The following RABL6 variants were observed in gnomAD, a reference collection of about 807,000 sequenced individuals.
RABL6 encodes the protein rab-like protein 6.
Under a neutral mutation model 72.9 loss-of-function variants are expected in RABL6, and 28 were observed. That is an observed-to-expected ratio of 0.38 (90% confidence interval 0.28 to 0.53). The LOEUF is 0.53. Among genes scored for constraint, RABL6 ranks in the 20% least tolerant of loss-of-function variants. The pLI, the probability that RABL6 is intolerant of heterozygous loss-of-function variation, is 0.80. For missense variants in RABL6, 1,029 were observed against 1,008.4 expected (o/e 1.02, Z -0.28); for synonymous variants, 477 against 421.2 (o/e 1.13, Z -1.62).
intron 1 of RABL6, among the ~76,000 whole-genome samples, chr9:136,815,974 G>A (rs1031678487): frequency 6.6e-6 from 1 of 152,102 alleles, no homozygotes; most frequent in South Asian, 2.1e-4. Flanking sequence ...GCTTCTTAGC[G>A]TTTCTTGGAT....
In RABL6 at chr9:136,837,447, C is replaced by A. The variant is rs370048463; in HGVS notation, c.911C>A (p.Ala304Glu). ...GGCTCCCAGTCACCAGTGGTGCCTG[C>A]AGGCGCTGTGTCCACGGGGAGCTCC... ...SPGSQSPVVP[A>E]GAVSTGSSSP... Residue 304 changes from alanine to glutamate, a missense_variant, in exon 9 of 15, where the codon GCA (alanine) becomes GAA (glutamate). By Grantham distance (107) the Ala-to-Glu change is moderately radical. Transcript: ENST00000311502. The A allele has an allele frequency of 6.4e-7, 1 of 1,569,590 alleles. No individual in the cohort carries two copies. Among genetic ancestry groups the A allele is most frequent in the Non-Finnish European group, 8.6e-7 (1 of 1,159,930 alleles).
At chr9:136,824,181 G>A (rs373723805) in intron 2 of RABL6, among the ~76,000 whole-genome samples, 51 of 152,252 alleles carry the variant, frequency 3.3e-4, no homozygotes, top group Admixed American at 1.1e-3. Context: ...GGGTAGATGC[G>A]GGAAGGTGGG....
rs1402771726 is a variant in RABL6, at chr9:136,808,182, C to T, written c.-15C>T. ...CTCGCCGGCCGCGCCCGGGCTGGGACGTCCGAGCGGGAAGATGTTTTCCGC... is the reference window on the plus strand; with the variant it reads ...CTCGCCGGCCGCGCCCGGGCTGGGATGTCCGAGCGGGAAGATGTTTTCCGC... On this transcript the variant is annotated 5_prime_UTR_variant, in exon 1 of 15. The change creates a new upstream start codon in the 5' untranslated region. Transcript: ENST00000311502. The T allele has an allele frequency of 2.7e-6, 4 of 1,508,740 alleles. No individual in the cohort carries two copies. The highest frequency in any genetic ancestry group is 2.5e-5 in the South Asian group (2 of 80,916). The allele number at this position is 1,508,740 out of a possible 1,614,324, so 93.5% of individuals were successfully genotyped here.
At chr9:136,821,331 T>C (rs1848231722) in intron 1 of RABL6, 1 of 985,224 alleles carries the variant, frequency 1.0e-6, no homozygotes. Context: ...AACGCCCCAC[T>C]CCCGGGAAAG....
At position 136,808,344 on chromosome 9, in the gene RABL6, G is replaced by A. The variant is rs758761241; in HGVS notation, c.130+18G>A. The stretch of plus-strand genomic sequence containing the variant: ...GTACAACAGTGAGTGCGGCGGGCCG[G>A]GGGGGCGCGGGAGCGCCGCGCGGGT... On this transcript the variant is annotated intron_variant, in intron 1 of 14. Transcript: ENST00000311502. The A allele has an allele frequency of 6.7e-7, 1 of 1,500,108 alleles. No individual in the cohort carries two copies. Among genetic ancestry groups the A allele is most frequent in the African/African-American group, 1.5e-5 (1 of 68,814 alleles). The allele number at this position is 1,500,108 out of a possible 1,614,324, so 92.9% of individuals were successfully genotyped here. A position where few individuals can be genotyped will look rare whatever the true frequency, so the allele number is the denominator to read the frequency against.
chr9:136,825,778 G>A lies in RABL6; in HGVS notation c.266-1G>A. 1.9e-6 allele frequency: 3 copies of A among 1,613,602 alleles called. No individual in the cohort carries two copies. The highest frequency in any genetic ancestry group is 2.5e-6 in the Non-Finnish European group (3 of 1,179,542). Reference sequence around the variant, plus strand: ...TAATTTTAGGATTCTCCCTGTTTCAGCCACGGATGACATCGTGAAGGTTGA... The same window carrying A: ...TAATTTTAGGATTCTCCCTGTTTCAACCACGGATGACATCGTGAAGGTTGA... On this transcript the variant is annotated splice_acceptor_variant, in intron 2 of 14. Transcript: ENST00000311502. LOFTEE classifies it high-confidence loss of function.
chr9:136,816,342 C>T (rs1196632890), intron 1 of RABL6, among the ~76,000 whole-genome samples: 3 of 151,966 alleles, frequency 2.0e-5, no homozygotes, highest in East Asian at 3.9e-4. Context: ...TGGGCCCAAG[C>T]GATCCATCTG....
At position 136,823,611 on chromosome 9, in the gene RABL6, A is replaced by C; in HGVS notation, c.217A>C (p.Ile73Leu). ...GGGCCGGCCGTTCGTGGAGGAGTAC[A>C]TCCCCACACAGGAGATCCAGGTCAC... ...LQGRPFVEEY[I>L]PTQEIQVTSI... The change falls in exon 2 of 15, where the codon ATC becomes CTC. Residue 73 changes from isoleucine to leucine, a missense_variant. Physicochemically the swap from Ile to Leu is conservative, Grantham distance 5. Transcript: ENST00000311502. 6.2e-7 allele frequency: 1 copy of C among 1,613,694 alleles called. No individual in the cohort carries two copies. The highest frequency in any genetic ancestry group is 8.5e-7 in the Non-Finnish European group (1 of 1,179,766).
chr9:136,833,446 G>C (rs537581942), intron 7 of RABL6: 1 of 460,956 alleles, frequency 2.2e-6, no homozygotes. Flanking sequence ...GCCCCAGCTG[G>C]GTCTGGGGGA....
rs1393985331 is a variant in RABL6, at chr9:136,831,794, C to T, written c.532C>T (p.Arg178Trp). ...HVPVCVLGNYRDMGEHRVILP... is the reference protein window; with the variant it reads ...HVPVCVLGNYWDMGEHRVILP... ...GCCAGTGTGCGTGCTGGGAAACTAC[C>T]GGGACATGGGCGAGCACCGAGTCAT... Residue 178 changes from arginine (R) to tryptophan (W), a missense_variant, in exon 6 of 15, where the codon CGG (arginine) becomes TGG (tryptophan). Arg to Trp is a moderately radical substitution (Grantham distance 101, BLOSUM62 -3). Around this residue, in one of 2 missense-constraint regions of RABL6, gnomAD observed 434 missense variants for 536.1 expected, o/e 0.81. Transcript: ENST00000311502. 5.6e-6 allele frequency: 9 copies of T among 1,613,294 alleles called. No homozygotes were observed. Among genetic ancestry groups the T allele is most frequent in the Non-Finnish European group, 6.8e-6 (8 of 1,179,806 alleles).
chr9:136,820,497 G>A (rs1208727346), intron 1 of RABL6, among the ~76,000 whole-genome samples: 1 of 152,016 alleles, frequency 6.6e-6, no homozygotes, highest in Non-Finnish European at 1.5e-5. Context: ...TCAGCCTCCT[G>A]AGTAGCTGGG....
intron 1 of RABL6, chr9:136,813,170 C>A: frequency 2.1e-6 from 1 of 473,238 alleles, no homozygotes; most frequent in South Asian, 1.9e-5. Context: ...TGGCTGGCTC[C>A]TGGCATCAGG....
intron 12 of RABL6, 53 bp from the exon 13 acceptor site, chr9:136,839,641 C>T (rs1848651218): frequency 1.9e-6 from 3 of 1,551,424 alleles, no homozygotes; most frequent in Non-Finnish European, 2.6e-6. Flanking sequence ...ATCCCACAAC[C>T]CCTGGGGGTG....
intron 1 of RABL6, chr9:136,821,208 G>C (rs1324905306): frequency 5.3e-6 from 3 of 566,700 alleles, no homozygotes; most frequent in Non-Finnish European, 6.7e-6. Context: ...AGTGGGTTCT[G>C]TCCCGTAGGG....
At chr9:136,818,414 A>G (rs1381858718) in intron 1 of RABL6, among the ~76,000 whole-genome samples, 1 of 147,980 alleles carries the variant, frequency 6.8e-6, no homozygotes, top group Non-Finnish European at 1.5e-5. Flanking sequence ...ACCAAAGGTA[A>G]GCAAAGAAAC....
At chr9:136,836,994 C>T (rs1848594622) in intron 8 of RABL6, 2 of 402,192 alleles carry the variant, frequency 5.0e-6, no homozygotes, top group South Asian at 2.1e-5. Flanking sequence ...CTGCCTCAGC[C>T]TCCCAAGTAG....
In RABL6 at chr9:136,828,538, C is replaced by T; in HGVS notation, c.358C>T (p.Pro120Ser). 6.2e-7 allele frequency: 1 copy of T among 1,613,200 alleles called. No individual in the cohort carries two copies. Among genetic ancestry groups the T allele is most frequent in the African/African-American group, 1.3e-5 (1 of 75,026 alleles). ...RGDGLKMEND[P>S]QEAESEMALD... is the part of the protein sequence containing the mutation. Reference sequence around the variant, plus strand: ...CGACGGCTTAAAGATGGAGAACGACCCCCAGGAGGTGAGTGCCAGGTACAC... The same window carrying T: ...CGACGGCTTAAAGATGGAGAACGACTCCCAGGAGGTGAGTGCCAGGTACAC... The change falls in exon 4 of 15, where the codon CCC becomes TCC. Residue 120 changes from proline to serine, a missense_variant. This residue lies in a region of RABL6 where 434 missense variants were observed against 536.1 expected (regional missense o/e 0.81). Coordinates refer to ENST00000311502, the MANE Select transcript of RABL6 (RefSeq NM_024718.5).
At chr9:136,819,895 C>G (rs150906864) in intron 1 of RABL6, among the ~76,000 whole-genome samples, 1 of 151,676 alleles carries the variant, frequency 6.6e-6, no homozygotes, top group Non-Finnish European at 1.5e-5. Flanking sequence ...GACCCTGTCT[C>G]TAAGAAAAAA....
intron 1 of RABL6, among the ~76,000 whole-genome samples, chr9:136,811,865 G>C (rs1223478499): frequency 6.6e-6 from 1 of 152,144 alleles, no homozygotes; most frequent in Non-Finnish European, 1.5e-5. Flanking sequence ...AATTCCAGAA[G>C]GGAGGAGGCC....
Sources: allele counts gnomAD v4.1 joint callset (sites outside exome capture counted in the v4.1 genomes callset), GRCh38; gene constraint gnomAD v4.1.1; regional missense constraint gnomAD v4.1.1; transcripts MANE v1.5; gene names NCBI Gene and HGNC (gene_info 2026-07-23, HGNC 2026-07-21).